Variants in CLVS1 observed in about 807,000 individuals in gnomAD.
The protein encoded by CLVS1 is clavesin 1.
In CLVS1, 10 loss-of-function variants were observed where a neutral mutation model predicts 33.1. The observed-to-expected ratio is 0.30, with a 90% CI of 0.19 to 0.51. The LOEUF is 0.51. Among genes scored for constraint, CLVS1 ranks in the 20% least tolerant of loss-of-function variants. The pLI, the probability that CLVS1 is intolerant of heterozygous loss-of-function variation, is 0.97. For missense variants in CLVS1, 343 were observed against 433.4 expected, an observed-to-expected ratio of 0.79 and a Z score of 1.85; for synonymous variants, 163 against 166.1, an observed-to-expected ratio of 0.98 and a Z score of 0.14.
At chr8:61,373,325 A>G (rs1396126944) in intron 2 of CLVS1, among the ~76,000 whole-genome samples, 1 of 152,208 alleles carries the variant, frequency 6.6e-6, no homozygotes, top group East Asian at 1.9e-4. Flanking sequence ...TTCTCTGGAA[A>G]AGTAAAGCAT....
At chr8:61,208,681 A>G (rs927736524) in intron 2 of CLVS1, among the ~76,000 whole-genome samples, 38 of 143,592 alleles carry the variant, frequency 2.6e-4, no homozygotes, top group African/African-American at 9.6e-4. Context: ...CTCTGCCTCC[A>G]GGTTCAAGTG....
At chr8:61,202,607 C>T (rs959813040) in intron 2 of CLVS1, 14 of 1,413,418 alleles carry the variant, frequency 9.9e-6, no homozygotes, top group East Asian at 4.6e-5. Context: ...GTACAGCCAA[C>T]GGTTTCCCTT....
At chr8:61,292,346 C>T (rs1254678726) in intron 1 of CLVS1, 1 of 456,188 alleles carries the variant, frequency 2.2e-6, no homozygotes, top group Middle Eastern at 3.3e-4. Context: ...ATTCCCACTG[C>T]TGCCATTGTC....
intron 3 of CLVS1, among the ~76,000 whole-genome samples, chr8:61,390,606 A>G (rs1208463922): frequency 6.6e-6 from 1 of 152,234 alleles, no homozygotes; most frequent in Non-Finnish European, 1.5e-5. Flanking sequence ...CCTACACTGC[A>G]TAGCATCTTT....
upstream of CLVS1, among the ~76,000 whole-genome samples, chr8:61,056,026 A>C (rs1804468059): frequency 6.6e-6 from 1 of 152,206 alleles, no homozygotes. Context: ...TTTATGGTGC[A>C]CACTTGGGAT....
chr8:61,477,405 T>TTGA (rs1380268398), intron 5 of CLVS1, among the ~76,000 whole-genome samples: 3 of 152,250 alleles, frequency 2.0e-5, no homozygotes, highest in Non-Finnish European at 2.9e-5. Flanking sequence ...TCTGGTAGAA[T>TTGA]TGACCTGTGA....
chr8:61,147,129 G>A lies in CLVS1; in HGVS notation c.-152+15269G>A, dbSNP rs1806437170. On this transcript the variant is annotated intron_variant, in intron 2 of 2. Coordinates refer to the CLVS1 transcript ENST00000522621. Reference sequence around the variant, plus strand: ...ATAAGATGGAGAGCTTTTCAGAGCAGGTGAACAGACTGGGCATTGAAAGTC... The same window carrying A: ...ATAAGATGGAGAGCTTTTCAGAGCAAGTGAACAGACTGGGCATTGAAAGTC... Among the ~76,000 whole-genome samples, 4 of 152,202 alleles carry A rather than the reference G, an allele frequency of 2.6e-5. No homozygotes were observed. The South Asian group carries it at 8.3e-4, about 31-fold the overall frequency.
intron 5 of CLVS1, among the ~76,000 whole-genome samples, chr8:61,492,292 A>G (rs111502039): frequency 2.1e-3 from 313 of 152,332 alleles, no homozygotes; most frequent in Middle Eastern, 6.8e-3. Context: ...CACCTAGTGT[A>G]TAATTTCACT....
chr8:61,280,812 G>C (rs1310475298), intron 2 of CLVS1, among the ~76,000 whole-genome samples: 3 of 152,016 alleles, frequency 2.0e-5, no homozygotes, highest in East Asian at 3.9e-4. Context: ...ATTTTTTGTA[G>C]AGATGAGGTC....
intron 1 of CLVS1, among the ~76,000 whole-genome samples, chr8:61,062,283 A>C (rs1424486999): frequency 6.6e-6 from 1 of 152,222 alleles, no homozygotes. Context: ...TGTCTACTGC[A>C]CAAGCCAGCT....
chr8:61,496,169 AGTCACT>A (rs1804258324), intron 5 of CLVS1, among the ~76,000 whole-genome samples: 2 of 152,318 alleles, frequency 1.3e-5, no homozygotes, highest in Admixed American at 6.5e-5. Context: ...GGTCTAGATG[AGTCACT>A]GTTTCCCTCT....
chr8:61,235,705 T>C (rs1808542569), intron 2 of CLVS1, among the ~76,000 whole-genome samples: 1 of 152,142 alleles, frequency 6.6e-6, no homozygotes. Context: ...GTAAGGAGGG[T>C]GGAACTCACA....
At chr8:61,144,234 T>A (rs1441234158) in intron 2 of CLVS1, among the ~76,000 whole-genome samples, 3 of 152,098 alleles carry the variant, frequency 2.0e-5, no homozygotes, top group Admixed American at 1.3e-4. Context: ...CGGTGTGTGA[T>A]GTTCCCCTCC....
At chr8:61,338,910 G>A (rs1811906472) in intron 2 of CLVS1, among the ~76,000 whole-genome samples, 3 of 152,132 alleles carry the variant, frequency 2.0e-5, no homozygotes, top group African/African-American at 4.8e-5. Flanking sequence ...CTAATTTACA[G>A]CCCCTCCCTT....
At chr8:61,394,488 C>T (rs183371483) in intron 3 of CLVS1, among the ~76,000 whole-genome samples, 22 of 152,140 alleles carry the variant, frequency 1.4e-4, no homozygotes, top group Admixed American at 1.1e-3. Flanking sequence ...TCAGACTCTC[C>T]TGGGGTGGGG....
chr8:61,138,016 G>A lies in CLVS1; in HGVS notation c.-152+6156G>A, dbSNP rs1291487702. On this transcript the variant is annotated intron_variant, in intron 2 of 2. Coordinates refer to the CLVS1 transcript ENST00000522621. ...GGTACTGTGCTGGTTACAGGGGAAG[G>A]AAAGATGAATGAGATAGTCTTGCAA... 3.3e-5 allele frequency among the ~76,000 whole-genome samples: 5 copies of A among 152,312 alleles called. No individual in the cohort carries two copies. In the East Asian group the frequency reaches 7.7e-4, roughly 23 times the overall value.
chr8:61,090,294 A>G (rs1405149728), intron 1 of CLVS1, among the ~76,000 whole-genome samples: 2 of 152,210 alleles, frequency 1.3e-5, no homozygotes, highest in African/African-American at 4.8e-5. Flanking sequence ...AGTCAAGTCC[A>G]TCCTTCAGAA....
At chr8:61,203,064 C>G (rs974826995) in intron 2 of CLVS1, 1 of 1,307,508 alleles carries the variant, frequency 7.6e-7, no homozygotes, top group East Asian at 2.3e-5. Flanking sequence ...CCAAAAGGAC[C>G]TAGTTCTGTA....
At chr8:61,059,994 G>T (rs1427247432) in intron 1 of CLVS1, among the ~76,000 whole-genome samples, 1 of 152,106 alleles carries the variant, frequency 6.6e-6, no homozygotes, top group Non-Finnish European at 1.5e-5. Flanking sequence ...GCCCTCAAGT[G>T]AATGATACAG....
Sources: allele counts gnomAD v4.1 joint callset (sites outside exome capture counted in the v4.1 genomes callset), GRCh38; gene constraint gnomAD v4.1.1; transcripts MANE v1.5; gene names NCBI Gene and HGNC (gene_info 2026-07-23, HGNC 2026-07-21).